The following ENTPD3 variants were observed in gnomAD, a reference collection of about 807,000 sequenced individuals.
ENTPD3 encodes CD39 antigen-like 3.
In ENTPD3, 60 loss-of-function variants were observed where a neutral mutation model predicts 51.2. That is an observed-to-expected ratio of 1.17 (90% CI 0.95 to 1.45). The LOEUF (loss-of-function observed/expected upper bound fraction) is 1.45, where lower values mean the gene tolerates loss of function less well. Ranked by LOEUF, ENTPD3 falls within the 40% of genes most tolerant of loss-of-function variation. The probability of loss-of-function intolerance (pLI) is 0.00; values close to 1 mark genes in which losing one functional copy is unlikely to be tolerated. For synonymous variants in ENTPD3, 221 were observed against 238.4 expected (o/e 0.93, Z 0.67); for missense variants, 593 against 641.1 (o/e 0.93, Z 0.81).
chr3:40,400,914 C>A lies in ENTPD3; in HGVS notation c.189C>A (p.Ala63=). ...TTCAGTATGGTATTGTGCTGGATGCCGGGTCTTCAAGAACCACAGTCTACG... is the reference window on the plus strand; with the variant it reads ...TTCAGTATGGTATTGTGCTGGATGCAGGGTCTTCAAGAACCACAGTCTACG... The part of the protein sequence containing the change: ...PGLKYGIVLD[A]GSSRTTVYVY... The change falls in exon 4 of 11, where the codon GCC becomes GCA. Residue 63 remains alanine (A), a synonymous_variant. Coordinates refer to ENST00000301825, the MANE Select transcript of ENTPD3 (RefSeq NM_001248.4). 6.2e-7 allele frequency: 1 copy of A among 1,613,498 alleles called. No individual in the cohort carries two copies. Among genetic ancestry groups the A allele is most frequent in the Non-Finnish European group, 8.5e-7 (1 of 1,179,798 alleles).
In ENTPD3 at chr3:40,423,949, C is replaced by T. The variant is rs972459315; in HGVS notation, c.1339C>T (p.His447Tyr). The T allele has an allele frequency of 1.2e-6, 2 of 1,613,976 alleles. No individual in the cohort carries two copies. Among genetic ancestry groups the T allele is most frequent in the African/African-American group, 2.7e-5 (2 of 74,918 alleles). ...CACAGAGGAGACTTGGCCCCAAATA[C>T]ACTTTGAAAAAGAAGTAAGTTAAGC... ...KFTEETWPQI[H>Y]FEKEVGNSSI... is the part of the protein sequence containing the mutation. The change falls in exon 10 of 11, where the codon CAC becomes TAC. Residue 447 changes from histidine to tyrosine, a missense_variant. Coordinates refer to ENST00000301825, the MANE Select transcript of ENTPD3 (RefSeq NM_001248.4).
chr3:40,411,090 A>T (rs1234532268), intron 4 of ENTPD3, among the ~76,000 whole-genome samples: 1 of 152,152 alleles, frequency 6.6e-6, no homozygotes, highest in Non-Finnish European at 1.5e-5. Flanking sequence ...CAGGAGTTCG[A>T]GACCAGCCTG....
Position 40,427,376 on chromosome 3 carries a change from C to G in ENTPD3, c.1458C>G (p.Val486=). 6.2e-7 allele frequency: 1 copy of G among 1,614,098 alleles called. No homozygotes were observed. The highest frequency in any genetic ancestry group is 8.5e-7 in the Non-Finnish European group (1 of 1,180,026). Residue 486 remains valine (V), a synonymous_variant, in exon 11 of 11, where the codon GTC becomes GTG. Transcript: ENST00000301825. ...TCCGTCTGCCCATAGAACCACCTGT[C>G]TTTGTGGGCACCCTCGCTTTCTTCA... The part of the protein sequence containing the change: ...PLIRLPIEPP[V]FVGTLAFFTA...
chr3:40,417,418 A>G (rs1955770790), intron 7 of ENTPD3, among the ~76,000 whole-genome samples: 1 of 152,106 alleles, frequency 6.6e-6, no homozygotes, highest in African/African-American at 2.4e-5. Flanking sequence ...GAATAGGAGG[A>G]AGAGAGAGAG....
intron 3 of ENTPD3, among the ~76,000 whole-genome samples, chr3:40,397,751 T>C (rs1391136094): frequency 6.6e-6 from 1 of 152,214 alleles, no homozygotes; most frequent in Non-Finnish European, 1.5e-5. Flanking sequence ...TTAACATTAA[T>C]TGCATTCACT....
Position 40,423,159 on chromosome 3 carries a change from T to C in ENTPD3, c.1104+37T>C, listed in dbSNP as rs370173516. On this transcript the variant is annotated intron_variant, in intron 8 of 10. Coordinates refer to ENST00000301825, the MANE Select transcript of ENTPD3 (RefSeq NM_001248.4). ...ACCTTCTGAAAGATTCCTTTCCCCATTGAATATTCATTTCTCACTTTTCTG... is the reference window on the plus strand; with the variant it reads ...ACCTTCTGAAAGATTCCTTTCCCCACTGAATATTCATTTCTCACTTTTCTG... 4.6e-4 allele frequency: 727 copies of C among 1,592,270 alleles called. 12 individuals carry two copies. The South Asian group carries it at 7.2e-3, about 16-fold the overall frequency.
intron 10 of ENTPD3, among the ~76,000 whole-genome samples, chr3:40,425,416 CAA>C (rs528165365): frequency 6.6e-6 from 1 of 150,938 alleles, no homozygotes; most frequent in Admixed American, 6.6e-5. Flanking sequence ...AACTCCATCT[CAA>C]AAAATAAAAA....
At chr3:40,420,615 T>TTGAAAATCA (rs1344609772) in intron 7 of ENTPD3, among the ~76,000 whole-genome samples, 2 of 152,136 alleles carry the variant, frequency 1.3e-5, no homozygotes, top group African/African-American at 4.8e-5. Flanking sequence ...GTAACAATTT[T>TTGAAAATCA]TGAAAATCAT....
At position 40,427,394 on chromosome 3, in the gene ENTPD3, T is replaced by C. The variant is rs771573310; in HGVS notation, c.1476T>C (p.Ala492=). Residue 492 remains alanine (A), a synonymous_variant, in exon 11 of 11, where the codon GCT becomes GCC. Coordinates refer to ENST00000301825, the MANE Select transcript of ENTPD3 (RefSeq NM_001248.4). ...CACCTGTCTTTGTGGGCACCCTCGC[T>C]TTCTTCACAGCGGCAGCCTTGCTGT... ...IEPPVFVGTL[A]FFTAAALLCL... is the part of the protein sequence containing the mutation. 17 of 1,613,828 alleles carry C rather than the reference T, an allele frequency of 1.1e-5. No homozygotes were observed. The highest frequency in any genetic ancestry group is 1.4e-5 in the Non-Finnish European group (17 of 1,180,038).
intron 2 of ENTPD3, 31 bp downstream of exon 2, chr3:40,388,128 G>C: frequency 6.2e-7 from 1 of 1,612,856 alleles, no homozygotes; most frequent in Non-Finnish European, 8.5e-7. Context: ...AGCAAGCGTG[G>C]TTTTGCCAAA....
In ENTPD3 at chr3:40,427,521, G is replaced by C. The variant is rs1301487378; in HGVS notation, c.*13G>C. 8 of 1,600,084 alleles carry C rather than the reference G, an allele frequency of 5.0e-6. No individual in the cohort carries two copies. The South Asian group carries it at 7.7e-5, about 15-fold the overall frequency. On this transcript the variant is annotated 3_prime_UTR_variant, in exon 11 of 11. Coordinates refer to ENST00000301825, the MANE Select transcript of ENTPD3 (RefSeq NM_001248.4). Reference sequence around the variant, plus strand: ...GGATTCTGACTGAGCCTTCAAAGCAGCTCCTGGAGTCCAATGGCTGCTTAG... The same window carrying C: ...GGATTCTGACTGAGCCTTCAAAGCACCTCCTGGAGTCCAATGGCTGCTTAG...
intron 4 of ENTPD3, among the ~76,000 whole-genome samples, chr3:40,405,135 G>A (rs1291424254): frequency 1.3e-5 from 2 of 152,144 alleles, no homozygotes; most frequent in African/African-American, 4.8e-5. Context: ...CTCCACTAGA[G>A]CCTAAACTTA....
chr3:40,390,936 CA>C (rs1326448544), intron 2 of ENTPD3: 14 of 152,096 alleles, frequency 9.2e-5, no homozygotes, highest in African/African-American at 3.4e-4. Context: ...GAAATCATTT[CA>C]GTATAGTATA....
At chr3:40,418,163 C>A (rs1346315855) in intron 7 of ENTPD3, among the ~76,000 whole-genome samples, 2 of 152,150 alleles carry the variant, frequency 1.3e-5, no homozygotes, top group African/African-American at 4.8e-5. Context: ...AGTCAGCTCA[C>A]AGGGACAGGG....
At chr3:40,403,903 C>T (rs1020427771) in intron 4 of ENTPD3, among the ~76,000 whole-genome samples, 24 of 152,134 alleles carry the variant, frequency 1.6e-4, no homozygotes, top group Non-Finnish European at 2.9e-4. Flanking sequence ...CCTGCCTCAG[C>T]CTCCCAAAGT....
At chr3:40,409,845 G>A (rs1303946341) in intron 4 of ENTPD3, among the ~76,000 whole-genome samples, 1 of 152,064 alleles carries the variant, frequency 6.6e-6, no homozygotes, top group African/African-American at 2.4e-5. Context: ...ATACTGCTAT[G>A]GAGTGGCCAC....
rs995174894 is a variant in ENTPD3 at position 40,408,654 on chromosome 3, T to C, written c.287-3158T>C. Among the ~76,000 whole-genome samples the C allele has an allele frequency of 3.9e-5, 6 of 152,238 alleles. No individual in the cohort carries two copies. The East Asian group carries it at 5.8e-4, about 15-fold the overall frequency. Reference sequence around the variant, plus strand: ...GAGCTTAATCTCACATTTTATTTACTGAGAGAATTGTGTGTCTTTTTAAAA... The same window carrying C: ...GAGCTTAATCTCACATTTTATTTACCGAGAGAATTGTGTGTCTTTTTAAAA... On this transcript the variant is annotated intron_variant, in intron 4 of 10. Transcript: ENST00000301825.
At position 40,423,831 on chromosome 3, in the gene ENTPD3, A is replaced by G. The variant is rs772287243; in HGVS notation, c.1221A>G (p.Pro407=). ...AGATGTTTTAAACCTTTCAGCTCCC[A>G]CTGCTGCTCCCCAAATTTGATGAGG... ...NFCSQNWSQL[P]LLLPKFDEVY... Residue 407 remains proline (P), a synonymous_variant, in exon 10 of 11, where the codon CCA becomes CCG. Coordinates refer to ENST00000301825, the MANE Select transcript of ENTPD3 (RefSeq NM_001248.4). The G allele has an allele frequency of 1.9e-6, 3 of 1,613,934 alleles. No individual in the cohort carries two copies. Among genetic ancestry groups the G allele is most frequent in the Non-Finnish European group, 2.5e-6 (3 of 1,179,916 alleles).
rs771284550 is a variant in ENTPD3, at chr3:40,423,113, G to C, written c.1095G>C (p.Gly365=). The C allele has an allele frequency of 1.2e-6, 2 of 1,610,506 alleles. No individual in the cohort carries two copies. Among genetic ancestry groups the C allele is most frequent in the Non-Finnish European group, 1.7e-6 (2 of 1,177,764 alleles). ...GGGTTTATCAGCCAAAGATTAAAGG[G>C]CCATTTGTGGTAAGAGCAAAACCTT... ...FDGVYQPKIK[G]PFVAFAGFYY... The change falls in exon 8 of 11, where the codon GGG becomes GGC. Residue 365 remains glycine (G), a synonymous_variant. Coordinates refer to ENST00000301825, the MANE Select transcript of ENTPD3 (RefSeq NM_001248.4).
Sources: allele counts gnomAD v4.1 joint callset (sites outside exome capture counted in the v4.1 genomes callset), GRCh38; gene constraint gnomAD v4.1.1; transcripts MANE v1.5; gene names NCBI Gene and HGNC (gene_info 2026-07-23, HGNC 2026-07-21).